Variants in SULT1A2 observed in about 807,000 individuals in gnomAD.
SULT1A2 encodes the protein sulfotransferase 1A2.
In SULT1A2, 33 loss-of-function variants were observed where a neutral mutation model predicts 36.0. The ratio of observed to expected loss-of-function variants is 0.92; its 90% CI spans 0.69 to 1.22. The LOEUF (loss-of-function observed/expected upper bound fraction) is 1.22. Ranked by LOEUF, SULT1A2 falls within the 50% of genes most tolerant of loss-of-function variation. The probability of loss-of-function intolerance (pLI) is 0.00; values close to 1 mark genes in which losing one functional copy is unlikely to be tolerated. For synonymous variants in SULT1A2, 138 were observed against 144.5 expected, an observed-to-expected ratio of 0.96 and a Z score of 0.32; for missense variants, 367 against 383.2, an observed-to-expected ratio of 0.96 and a Z score of 0.35.
At chr16:28,596,936 T>G in intron 1 of SULT1A2, 61 bp downstream of exon 1, 3 of 1,127,296 alleles carry the variant, frequency 2.7e-6, no homozygotes, top group Non-Finnish European at 3.4e-6. Flanking sequence ...GCTTCTGGAA[T>G]GTTGGAGCCA....
chr16:28,592,943 G>T, intron 6 of SULT1A2, among the ~76,000 whole-genome samples: 1 of 152,130 alleles, frequency 6.6e-6, no homozygotes, highest in Non-Finnish European at 1.5e-5. Context: ...ACCTGGGAGG[G>T]GGGGTTACAC....
chr16:28,593,814 G>A (rs1465510205), intron 4 of SULT1A2, among the ~76,000 whole-genome samples: 1 of 152,148 alleles, frequency 6.6e-6, no homozygotes, highest in East Asian at 1.9e-4. Flanking sequence ...CCGATCTGGA[G>A]CAAGGCATGC....
chr16:28,596,848 G>A, intron 1 of SULT1A2, 149 bp downstream of exon 1: 1 of 449,808 alleles, frequency 2.2e-6, no homozygotes, highest in Non-Finnish European at 3.5e-6. Context: ...AAAAAAGGAA[G>A]GGAGGGGGAT....
At chr16:28,594,770 CT>C (rs1033591115) in intron 4 of SULT1A2, among the ~76,000 whole-genome samples, 306 of 53,824 alleles carry the variant, frequency 5.7e-3, no homozygotes, top group East Asian at 0.016. Flanking sequence ...CCACCTGCCG[CT>C]TTTTTTTTTT....
intron 4 of SULT1A2, among the ~76,000 whole-genome samples, chr16:28,594,701 C>T (rs2151664305): frequency 6.6e-6 from 1 of 151,206 alleles, no homozygotes; most frequent in African/African-American, 2.4e-5. Flanking sequence ...GATCTGCCCA[C>T]CTCGACCTCC....
rs150763964 is a variant in SULT1A2, at chr16:28,595,339, G to A, written c.372+28C>T. ...CAGCCTCCCAAAGTACTGAGATTGC[G>A]GGTGTGAACCACTGTGCCCAGTCTC... On this transcript the variant is annotated intron_variant, in intron 4 of 7. Transcript: ENST00000335715. 294 of 1,612,670 alleles carry A rather than the reference G, an allele frequency of 1.8e-4. No individual in the cohort carries two copies. In the African/African-American group the frequency reaches 2.7e-3, roughly 15 times the overall value.
Position 28,595,943 on chromosome 16 carries a change from G to A in SULT1A2, c.-4-9C>T, listed in dbSNP as rs1425884213. ...GGATCAGCTCCATGTTCCTGCGTCA[G>A]GGGCCAGAGCCAGGCCCGTTCCCTT... On this transcript the variant is annotated splice_polypyrimidine_tract_variant and intron_variant, in intron 1 of 7. Transcript: ENST00000335715. 6.2e-7 allele frequency: 1 copy of A among 1,602,930 alleles called. No individual in the cohort carries two copies. Among genetic ancestry groups the A allele is most frequent in the South Asian group, 1.1e-5 (1 of 90,514 alleles).
In SULT1A2 at chr16:28,592,457, G is replaced by C. The variant is rs142631687; in HGVS notation, c.595-14C>G. 2.0e-5 allele frequency: 33 copies of C among 1,614,156 alleles called. No individual in the cohort carries two copies. The African/African-American group carries it at 3.2e-4, about 16-fold the overall frequency. Reference sequence around the variant, plus strand: ...CCTTTTGGGGTTCTGAGCAGCAGAGGGCTCCTCAGTGGAGGCTTGGATTGC... The same window carrying C: ...CCTTTTGGGGTTCTGAGCAGCAGAGCGCTCCTCAGTGGAGGCTTGGATTGC... On this transcript the variant is annotated splice_polypyrimidine_tract_variant and intron_variant, in intron 6 of 7. Transcript: ENST00000335715.
chr16:28,592,610 T>C (rs556105902), intron 6 of SULT1A2, 167 bp from the exon 7 acceptor site: 2 of 1,275,388 alleles, frequency 1.6e-6, no homozygotes, highest in African/African-American at 1.5e-5. Flanking sequence ...AATGAATTGC[T>C]GTCTGCCCTG....
intron 6 of SULT1A2, 126 bp from the exon 7 acceptor site, chr16:28,592,569 T>C: frequency 6.5e-7 from 1 of 1,541,792 alleles, no homozygotes; most frequent in Non-Finnish European, 8.8e-7. Context: ...AGCCAGCTCC[T>C]CGACCCCTGG....
At chr16:28,594,484 G>A (rs185833876) in intron 4 of SULT1A2, among the ~76,000 whole-genome samples, 87 of 152,196 alleles carry the variant, frequency 5.7e-4, no homozygotes, top group African/African-American at 1.9e-3. Flanking sequence ...ACAATGTCTC[G>A]TTGTGTCTCC....
intron 4 of SULT1A2, 76 bp downstream of exon 4, chr16:28,595,291 G>C (rs552384070): frequency 6.4e-7 from 1 of 1,573,134 alleles, no homozygotes; most frequent in African/African-American, 1.4e-5. Context: ...TGGAACTTCT[G>C]GCTTCAAGGG....
In SULT1A2 at chr16:28,593,295, C is replaced by T. The variant is rs1048419777; in HGVS notation, c.551G>A (p.Arg184His). The change falls in exon 6 of 8, where the codon CGC becomes CAC. Residue 184 changes from arginine to histidine, a missense_variant. By Grantham distance (29) the Arg-to-His change is conservative. Transcript: ENST00000335715. ...GAAGAGGTAGAGAACAGGGTGGGTG[C>T]GGCTCAGCTCCCACCACTCTTGCAC... ...QHVQEWWELSRTHPVLYLFYE... is the reference protein window; with the variant it reads ...QHVQEWWELSHTHPVLYLFYE... 1.2e-5 allele frequency: 20 copies of T among 1,614,100 alleles called. No individual in the cohort carries two copies. Among genetic ancestry groups the T allele is most frequent in the Middle Eastern group, 1.7e-4 (1 of 6,024 alleles).
chr16:28,593,136 A>T, intron 6 of SULT1A2, 116 bp downstream of exon 6: 1 of 1,460,638 alleles, frequency 6.8e-7, no homozygotes, highest in Non-Finnish European at 9.3e-7. Flanking sequence ...CAAGATGGGG[A>T]ATCCGGGCCT....
chr16:28,595,975 A>G (rs1403674317), intron 1 of SULT1A2, 41 bp from the exon 2 acceptor site: 6 of 1,596,924 alleles, frequency 3.8e-6, no homozygotes, highest in Admixed American at 3.5e-5. Context: ...CCTTACCACC[A>G]TCACAACAGC....
chr16:28,595,495 G>A (rs1368092118), intron 3 of SULT1A2, 31 bp from the exon 4 acceptor site: 8 of 1,613,998 alleles, frequency 5.0e-6, no homozygotes, highest in Non-Finnish European at 6.8e-6. Flanking sequence ...GGTCTGGTGA[G>A]CTGAAGCCCC....
chr16:28,595,889 G>A lies in SULT1A2; in HGVS notation c.42C>T (p.Tyr14=), dbSNP rs187587434. ...ACTTGATGAGCGGGACCCCCTTCAC[G>A]TACTCCAGTGGCGGGCGAGAGATGT... ...IQDISRPPLE[Y]VKGVPLIKYF... Residue 14 remains tyrosine, a synonymous_variant, in exon 2 of 8, where the codon TAC becomes TAT. Transcript: ENST00000335715. 167 of 1,608,666 alleles carry A rather than the reference G, an allele frequency of 1.0e-4. 2 individuals are homozygous for A. The East Asian group carries it at 3.4e-3, about 33-fold the overall frequency.
At chr16:28,596,169 G>A in intron 1 of SULT1A2, 1 of 1,359,726 alleles carries the variant, frequency 7.4e-7, no homozygotes, top group Non-Finnish European at 9.7e-7. Flanking sequence ...AAAATCCCAG[G>A]GCCTGGGCCA....
intron 6 of SULT1A2, 147 bp downstream of exon 6, chr16:28,593,105 G>C: frequency 8.1e-7 from 1 of 1,228,674 alleles, no homozygotes; most frequent in South Asian, 1.5e-5. Context: ...TGGGGCTGCA[G>C]TGGGGCCTGG....
Sources: gnomAD v4.1 joint callset for allele counts (sites outside exome capture counted in the v4.1 genomes callset) on GRCh38, gnomAD v4.1.1 for gene constraint, MANE v1.5 for transcripts, NCBI Gene and HGNC (gene_info 2026-07-23, HGNC 2026-07-21) for gene names.